RSPO4: variants seen among roughly 807,000 people sequenced by gnomAD.
RSPO4 encodes R-spondin 4, also known as R-spondin-4.
A neutral mutation model predicts 24.8 loss-of-function variants in RSPO4; 23 were observed. The ratio of observed to expected loss-of-function variants is 0.93; its 90% CI spans 0.67 to 1.31. The LOEUF (loss-of-function observed/expected upper bound fraction) is 1.31, where lower values mean the gene tolerates loss of function less well. RSPO4 is among the 40% of genes most tolerant of loss of function. The probability of loss-of-function intolerance (pLI) is 0.00; values close to 1 mark genes in which losing one functional copy is unlikely to be tolerated. For synonymous variants in RSPO4, 141 were observed against 127.4 expected (o/e 1.11, Z -0.72); for missense variants, 333 against 316.5 (o/e 1.05, Z -0.39).
In RSPO4 at chr20:960,343, G is replaced by T. The variant is rs766487997; in HGVS notation, c.*14C>A. 20 of 1,524,122 alleles carry T rather than the reference G, an allele frequency of 1.3e-5. No homozygotes were observed. The highest frequency in any genetic ancestry group is 1.6e-5 in the Non-Finnish European group (18 of 1,135,996). 94.4% of individuals were successfully genotyped at this position (1,524,122 alleles called of 1,614,324 possible). Reference sequence around the variant, plus strand: ...GGCCGAGGACTAGGACCAGAGAGTCGGGAGAGCCGGCGGTCAGGGCTGCAG... The same window carrying T: ...GGCCGAGGACTAGGACCAGAGAGTCTGGAGAGCCGGCGGTCAGGGCTGCAG... On this transcript the variant is annotated 3_prime_UTR_variant, in exon 5 of 5. Coordinates refer to ENST00000217260, the MANE Select transcript of RSPO4 (RefSeq NM_001029871.4).
At chr20:991,181 T>A (rs1985089772) in intron 1 of RSPO4, among the ~76,000 whole-genome samples, 1 of 152,160 alleles carries the variant, frequency 6.6e-6, no homozygotes, top group African/African-American at 2.4e-5. Context: ...GCTCAAGCCA[T>A]CCTCCCACCT....
chr20:966,368 T>C (rs1180382042), intron 3 of RSPO4, among the ~76,000 whole-genome samples: 1 of 152,196 alleles, frequency 6.6e-6, no homozygotes, highest in Admixed American at 6.5e-5. Flanking sequence ...TGCTGGCTGC[T>C]GTACTGAGCA....
At chr20:974,432 C>G (rs1317978725) in intron 1 of RSPO4, among the ~76,000 whole-genome samples, 1 of 152,192 alleles carries the variant, frequency 6.6e-6, no homozygotes, top group Non-Finnish European at 1.5e-5. Context: ...GTAGCCTGTT[C>G]CAATGCACAT....
chr20:964,521 G>GA (rs1600088102), intron 3 of RSPO4, among the ~76,000 whole-genome samples: 2 of 151,966 alleles, frequency 1.3e-5, no homozygotes, highest in East Asian at 3.9e-4. Flanking sequence ...CAGGAAGGCG[G>GA]GGACAGGAGA....
chr20:987,120 G>A (rs954693605), intron 1 of RSPO4, among the ~76,000 whole-genome samples: 4 of 152,294 alleles, frequency 2.6e-5, no homozygotes, highest in Admixed American at 1.3e-4. Context: ...AGTCATGGGA[G>A]GGGAGGAGCT....
At chr20:987,109 G>A (rs1331008636) in intron 1 of RSPO4, among the ~76,000 whole-genome samples, 2 of 152,202 alleles carry the variant, frequency 1.3e-5, no homozygotes, top group Non-Finnish European at 2.9e-5. Flanking sequence ...GCCACACAGT[G>A]AGTCATGGGA....
intron 1 of RSPO4, among the ~76,000 whole-genome samples, chr20:985,162 C>T (rs533504998): frequency 2.0e-4 from 29 of 145,348 alleles, no homozygotes; most frequent in Non-Finnish European, 3.4e-4. Flanking sequence ...CATCCATCCA[C>T]CCACCCACCT....
At chr20:1,001,395 G>A (rs2122287899) in intron 1 of RSPO4, among the ~76,000 whole-genome samples, 1 of 152,320 alleles carries the variant, frequency 6.6e-6, no homozygotes, top group East Asian at 1.9e-4. Flanking sequence ...TGTGGCATAG[G>A]ACTCCCAGGT....
chr20:966,514 T>C (rs920534812), intron 3 of RSPO4, among the ~76,000 whole-genome samples: 2 of 151,988 alleles, frequency 1.3e-5, no homozygotes, highest in African/African-American at 4.8e-5. Flanking sequence ...TTGCTTAAGA[T>C]CACTAAAGGG....
chr20:996,416 A>G (rs938829189), intron 1 of RSPO4, among the ~76,000 whole-genome samples: 30 of 152,170 alleles, frequency 2.0e-4, no homozygotes, highest in African/African-American at 7.2e-4. Context: ...CACCTTAGCC[A>G]AGCAACCTCC....
chr20:969,348 G>A (rs764477947), intron 1 of RSPO4, among the ~76,000 whole-genome samples: 1 of 152,184 alleles, frequency 6.6e-6, no homozygotes, highest in Non-Finnish European at 1.5e-5. Flanking sequence ...ACAGCCTAGG[G>A]AAGTGAGTTG....
chr20:984,330 C>T (rs1472478419), intron 1 of RSPO4, among the ~76,000 whole-genome samples: 1 of 86,264 alleles, frequency 1.2e-5, no homozygotes, highest in Admixed American at 1.0e-4. Context: ...CAGAGTGAGA[C>T]TCTGTCTCAG....
intron 4 of RSPO4, among the ~76,000 whole-genome samples, chr20:963,087 C>T (rs1984057545): frequency 6.6e-6 from 1 of 152,210 alleles, no homozygotes; most frequent in South Asian, 2.1e-4. Context: ...CTTCATAGCC[C>T]CCAGAAACAT....
At chr20:993,314 ACAG>A (rs1985170248) in intron 1 of RSPO4, among the ~76,000 whole-genome samples, 1 of 152,208 alleles carries the variant, frequency 6.6e-6, no homozygotes, top group Non-Finnish European at 1.5e-5. Flanking sequence ...CCAGCATGGG[ACAG>A]CAGTGTCCGG....
Position 981,233 on chromosome 20 carries a change from G to T in RSPO4, c.80-13095C>A, listed in dbSNP as rs1984724945. Among the ~76,000 whole-genome samples, 1 of 152,166 alleles carries T rather than the reference G, an allele frequency of 6.6e-6. No homozygotes were observed. The highest frequency in any genetic ancestry group is 6.6e-5 in the Admixed American group (1 of 15,260). On this transcript the variant is annotated intron_variant, in intron 1 of 4. Coordinates refer to ENST00000217260, the MANE Select transcript of RSPO4 (RefSeq NM_001029871.4). This position sits in a 1 kb window ranked among gnomAD's most constrained non-coding sequence, Gnocchi z 4.6. ...GGGAAAATGGGAGTGATACTCAAAA[G>T]GGGCAACCTGGCCAGGCACAGTGGC...
chr20:987,212 T>C (rs1984949971), intron 1 of RSPO4, among the ~76,000 whole-genome samples: 1 of 152,218 alleles, frequency 6.6e-6, no homozygotes, highest in African/African-American at 2.4e-5. Context: ...GTGCACAGCC[T>C]GGCCCCTGGC....
intron 1 of RSPO4, among the ~76,000 whole-genome samples, chr20:994,862 C>A (rs1041439429): frequency 1.3e-5 from 2 of 152,104 alleles, no homozygotes; most frequent in Middle Eastern, 3.2e-3. Context: ...CTGCGCCTGG[C>A]TCCATCCTGT....
intron 1 of RSPO4, among the ~76,000 whole-genome samples, chr20:990,711 C>A (rs1448938216): frequency 1.3e-5 from 2 of 152,112 alleles, no homozygotes; most frequent in Non-Finnish European, 2.9e-5. Context: ...GAGGATTCTC[C>A]TTGTGGGGGA....
chr20:966,813 C>A (rs1286351150), intron 3 of RSPO4, among the ~76,000 whole-genome samples: 2 of 152,166 alleles, frequency 1.3e-5, no homozygotes, highest in South Asian at 4.1e-4. Flanking sequence ...TATGATCATG[C>A]CACTGCACTC....
Sources: gnomAD v4.1 joint callset for allele counts (sites outside exome capture counted in the v4.1 genomes callset) on GRCh38, gnomAD v4.1.1 for gene constraint, Gnocchi (gnomAD v3.1) non-coding constraint, MANE v1.5 for transcripts, NCBI Gene and HGNC (gene_info 2026-07-23, HGNC 2026-07-21) for gene names.